Variants in LOC128125817 observed in about 807,000 individuals in gnomAD.
At chr1:41,595,325 A>G in the LOC128125817 span, among the ~76,000 whole-genome samples, 141 of 152,296 alleles carry the variant, frequency 9.3e-4, 4 homozygotes, top group Middle Eastern at 3.4e-3. Flanking sequence ...TAGCTCCCCA[A>G]TGCAGAGAGA....
chr1:41,605,409 ACAT>A, the LOC128125817 span, among the ~76,000 whole-genome samples: 3 of 150,002 alleles, frequency 2.0e-5, no homozygotes, highest in East Asian at 3.9e-4. Context: ...ACACACACAT[ACAT>A]ATGTTAAAAA....
the LOC128125817 span, among the ~76,000 whole-genome samples, chr1:41,625,100 T>C: frequency 7.5e-6 from 1 of 132,674 alleles, no homozygotes; most frequent in Non-Finnish European, 1.5e-5. Flanking sequence ...GAGGCAGAGA[T>C]TGCAGTGAGC....
At chr1:41,596,228 C>T in the LOC128125817 span, among the ~76,000 whole-genome samples, 1 of 152,186 alleles carries the variant, frequency 6.6e-6, no homozygotes. Context: ...CAGTGACTGC[C>T]CTCTGAAAGC....
the LOC128125817 span, among the ~76,000 whole-genome samples, chr1:41,612,798 G>C: frequency 3.9e-5 from 6 of 152,230 alleles, no homozygotes; most frequent in Non-Finnish European, 8.8e-5. Flanking sequence ...GCCTCCTTCA[G>C]GGTACCACAG....
At chr1:41,593,308 C>T in the LOC128125817 span, among the ~76,000 whole-genome samples, 6 of 152,016 alleles carry the variant, frequency 3.9e-5, no homozygotes, top group East Asian at 1.9e-4. Context: ...TATTGATCTG[C>T]GACTTGTTTT....
the LOC128125817 span, among the ~76,000 whole-genome samples, chr1:41,596,015 A>G: frequency 6.6e-6 from 1 of 151,922 alleles, no homozygotes; most frequent in Non-Finnish European, 1.5e-5. Flanking sequence ...ACAAGGTTCA[A>G]TGTACGCAAA....
At chr1:41,595,804 C>T in the LOC128125817 span, among the ~76,000 whole-genome samples, 1,126 of 152,292 alleles carry the variant, frequency 7.4e-3, 9 homozygotes, top group Non-Finnish European at 0.013. Context: ...CTACATCTTT[C>T]TCCTGCACTG....
At chr1:41,589,163 T>C in the LOC128125817 span, among the ~76,000 whole-genome samples, 13 of 152,326 alleles carry the variant, frequency 8.5e-5, no homozygotes, top group African/African-American at 2.9e-4. Flanking sequence ...TGAGAGCACC[T>C]GTAAAAGTCA....
At chr1:41,609,653 C>T in the LOC128125817 span, among the ~76,000 whole-genome samples, 3 of 152,246 alleles carry the variant, frequency 2.0e-5, no homozygotes, top group Admixed American at 6.5e-5. Context: ...TTAGGCCCCA[C>T]GGCATGGCTC....
chr1:41,600,410 G>A, the LOC128125817 span, among the ~76,000 whole-genome samples: 1 of 152,154 alleles, frequency 6.6e-6, no homozygotes, highest in Non-Finnish European at 1.5e-5. Flanking sequence ...ATTCCATTGT[G>A]TGTATGAAAC....
At chr1:41,625,483 G>C in the LOC128125817 span, among the ~76,000 whole-genome samples, 1 of 152,192 alleles carries the variant, frequency 6.6e-6, no homozygotes, top group Non-Finnish European at 1.5e-5. Context: ...TCCTGATCTA[G>C]AACCTCAGAT....
At chr1:41,625,475 C>G in the LOC128125817 span, among the ~76,000 whole-genome samples, 4,128 of 152,292 alleles carry the variant, frequency 0.027, 212 homozygotes, top group African/African-American at 0.095. Context: ...TTGCCAATTC[C>G]TGATCTAGAA....
chr1:41,588,249 G>A, the LOC128125817 span, among the ~76,000 whole-genome samples: 1 of 152,184 alleles, frequency 6.6e-6, no homozygotes, highest in East Asian at 1.9e-4. Flanking sequence ...TCAAGGGTTG[G>A]CTATACTTAC....
the LOC128125817 span, among the ~76,000 whole-genome samples, chr1:41,608,141 C>T: frequency 3.3e-5 from 5 of 152,160 alleles, no homozygotes; most frequent in African/African-American, 4.8e-5. Flanking sequence ...TGAGGTGTCT[C>T]GTCTATTTCT....
At chr1:41,586,051 C>T in the LOC128125817 span, among the ~76,000 whole-genome samples, 4 of 152,242 alleles carry the variant, frequency 2.6e-5, no homozygotes, top group African/African-American at 9.6e-5. Context: ...CAGCTGTGAC[C>T]ATTTGCTTGA....
chr1:41,590,914 C>T, the LOC128125817 span, among the ~76,000 whole-genome samples: 1 of 152,182 alleles, frequency 6.6e-6, no homozygotes, highest in African/African-American at 2.4e-5. Flanking sequence ...GCTCCTCCAC[C>T]TCCTAACTGA....
chr1:41,626,952 T>C, the LOC128125817 span, among the ~76,000 whole-genome samples: 5 of 152,214 alleles, frequency 3.3e-5, no homozygotes, highest in East Asian at 9.6e-4. Flanking sequence ...TGAACCTCTC[T>C]GTGCTCAGTT....
chr1:41,597,486 G>A, the LOC128125817 span, among the ~76,000 whole-genome samples: 32 of 152,268 alleles, frequency 2.1e-4, no homozygotes, highest in Admixed American at 3.9e-4. Context: ...AGTATGTTAC[G>A]CAAATTCACT....
chr1:41,622,698 C>G, the LOC128125817 span, among the ~76,000 whole-genome samples: 1 of 152,166 alleles, frequency 6.6e-6, no homozygotes, highest in African/African-American at 2.4e-5. Context: ...GGATTTTAAG[C>G]AGCAGATAGC....
Sources: gnomAD v4.1 joint callset for allele counts (sites outside exome capture counted in the v4.1 genomes callset) on GRCh38, gnomAD v4.1.1 for gene constraint, MANE v1.5 for transcripts.